Variants in COL17A1 observed in about 807,000 individuals in gnomAD.
COL17A1 encodes the protein collagen alpha-1(XVII) chain.
Under a neutral mutation model 218.4 loss-of-function variants are expected in COL17A1, and 181 were observed. The ratio of observed to expected loss-of-function variants is 0.83; its 90% CI spans 0.73 to 0.94. The LOEUF (loss-of-function observed/expected upper bound fraction) is 0.94. Among genes scored for constraint, COL17A1 ranks in the 40% least tolerant of loss-of-function variants. COL17A1 has a pLI of 0.00. For synonymous variants in COL17A1, 721 were observed against 731.0 expected, an observed-to-expected ratio of 0.99 and a Z score of 0.22; for missense variants, 1,924 against 1,945.9, an observed-to-expected ratio of 0.99 and a Z score of 0.21.
chr10:104,043,981 T>G, intron 33 of COL17A1, 121 bp from the exon 34 acceptor site: 1 of 1,075,784 alleles, frequency 9.3e-7, no homozygotes, highest in Non-Finnish European at 1.4e-6. Flanking sequence ...ACCATCAGGC[T>G]AAAGGCATTT....
chr10:104,043,888 G>C, intron 33 of COL17A1, 28 bp from the exon 34 acceptor site: 2 of 1,614,032 alleles, frequency 1.2e-6, no homozygotes, highest in Non-Finnish European at 1.7e-6. Flanking sequence ...GGCTGAGAGT[G>C]GTTGTTCTGA....
intron 4 of COL17A1, among the ~76,000 whole-genome samples, 172 bp from the exon 5 acceptor site, chr10:104,076,601 A>G (rs574944788): frequency 1.4e-3 from 213 of 152,304 alleles, no homozygotes; most frequent in African/African-American, 4.8e-3. Flanking sequence ...GAAAGGTGGA[A>G]TTATTGCCTG....
intron 35 of COL17A1, 81 bp from the exon 36 acceptor site, chr10:104,042,536 G>A: frequency 2.1e-6 from 3 of 1,442,434 alleles, no homozygotes; most frequent in Non-Finnish European, 2.9e-6. Context: ...TTCCTCCCAA[G>A]GCATGGAACA....
At chr10:104,036,739 A>C in intron 47 of COL17A1, 107 bp from the exon 48 acceptor site, 1 of 1,386,908 alleles carries the variant, frequency 7.2e-7, no homozygotes, top group Admixed American at 1.9e-5. Flanking sequence ...CCTGCGTGAC[A>C]TTTGTGAGTT....
intron 31 of COL17A1, among the ~76,000 whole-genome samples, chr10:104,047,321 A>G (rs1176577854): frequency 1.3e-5 from 2 of 152,190 alleles, no homozygotes; most frequent in South Asian, 4.2e-4. Flanking sequence ...GGCCCAGTAC[A>G]GGAGAGGAGG....
At chr10:104,078,718 T>G in intron 2 of COL17A1, 132 bp from the exon 3 acceptor site, 1 of 1,277,342 alleles carries the variant, frequency 7.8e-7, no homozygotes, top group East Asian at 2.5e-5. Context: ...ATCCTTGTGC[T>G]TTAAGGTGTG....
At chr10:104,033,050 C>G (rs1050422651) in intron 53 of COL17A1, 82 bp from the exon 54 acceptor site, 79 of 1,554,012 alleles carry the variant, frequency 5.1e-5, no homozygotes, top group Non-Finnish European at 6.8e-5. Flanking sequence ...CAGAGTAACA[C>G]AGAGAGATAG....
intron 1 of COL17A1, 63 bp from the exon 2 acceptor site, chr10:104,080,747 C>T: frequency 6.5e-7 from 1 of 1,544,004 alleles, no homozygotes; most frequent in Middle Eastern, 1.7e-4. Context: ...ATTATAGGTC[C>T]CCACTGTTGA....
intron 31 of COL17A1, 130 bp downstream of exon 31, chr10:104,047,609 T>G (rs376681801): frequency 9.0e-6 from 7 of 775,918 alleles, no homozygotes; most frequent in South Asian, 2.9e-5. Flanking sequence ...CACACAACCA[T>G]GCACATATAC....
intron 7 of COL17A1, 99 bp from the exon 8 acceptor site, chr10:104,072,178 C>G (rs2086675077): frequency 1.3e-6 from 2 of 1,532,710 alleles, no homozygotes; most frequent in Admixed American, 3.7e-5. Context: ...TTAGGCTGCT[C>G]TGACATTTCT....
At chr10:104,055,500 T>TG in intron 18 of COL17A1, 99 bp from the exon 19 acceptor site, 8 of 1,410,472 alleles carry the variant, frequency 5.7e-6, no homozygotes, top group Non-Finnish European at 6.8e-6. Context: ...GATCATGGTA[T>TG]GGGAAGAAGA....
chr10:104,037,679 GA>G lies in COL17A1; in HGVS notation c.3164del (p.Phe1055SerfsTer11), dbSNP rs2086314131. On this transcript the variant is annotated frameshift_variant, in exon 46 of 56. Coordinates refer to ENST00000648076, the MANE Select transcript of COL17A1 (RefSeq NM_000494.4). LOFTEE classifies it high-confidence loss of function. ...CGTGGCTTGCCAGCTCTGAGTAGTC[GA>G]AAGTCTCGCCTGTGATGGTGGTGAC... ...GPVTTITGET[F>X]DYSELASHVV... The G allele has an allele frequency of 6.2e-7, 1 of 1,614,084 alleles. No homozygotes were observed. Among genetic ancestry groups the G allele is most frequent in the Non-Finnish European group, 8.5e-7 (1 of 1,180,046 alleles).
chr10:104,068,078 G>C (rs1366555330), intron 9 of COL17A1, among the ~76,000 whole-genome samples: 1 of 152,166 alleles, frequency 6.6e-6, no homozygotes, highest in African/African-American at 2.4e-5. Context: ...GTCTGAAGTT[G>C]ATCTTCGGCA....
At chr10:104,035,842 C>CAGAGTGTGCGTATG (rs1589556148) in intron 48 of COL17A1, among the ~76,000 whole-genome samples, 1 of 12,942 alleles carries the variant, frequency 7.7e-5, no homozygotes, top group African/African-American at 2.7e-4. Context: ...GGGAGTGTAT[C>CAGAGTGTGCGTATG]GGAGTGTGCG....
intron 7 of COL17A1, among the ~76,000 whole-genome samples, chr10:104,072,350 A>C (rs549054578): frequency 6.6e-6 from 1 of 152,210 alleles, no homozygotes; most frequent in African/African-American, 2.4e-5. Context: ...GTTCCAGTAC[A>C]ATCAGCAATG....
At chr10:104,062,362 G>A (rs1439623932) in intron 11 of COL17A1, 33 bp from the exon 12 acceptor site, 1 of 1,614,066 alleles carries the variant, frequency 6.2e-7, no homozygotes, top group Non-Finnish European at 8.5e-7. Context: ...GTGAGTACAG[G>A]GAGCACGGGG....
intron 9 of COL17A1, among the ~76,000 whole-genome samples, chr10:104,069,074 G>A (rs2086649779): frequency 6.6e-6 from 1 of 152,216 alleles, no homozygotes; most frequent in South Asian, 2.1e-4. Context: ...AAGTGTGTGG[G>A]TGTTGTGTAA....
chr10:104,070,241 C>T (rs929148658), intron 9 of COL17A1, among the ~76,000 whole-genome samples, 185 bp downstream of exon 9: 3 of 152,188 alleles, frequency 2.0e-5, no homozygotes, highest in African/African-American at 7.2e-5. Context: ...CACAAGCAAA[C>T]AAATATCTAT....
intron 23 of COL17A1, among the ~76,000 whole-genome samples, chr10:104,052,701 T>C (rs1204051765): frequency 6.6e-6 from 1 of 152,146 alleles, no homozygotes; most frequent in East Asian, 1.9e-4. Flanking sequence ...CACCTTACAA[T>C]TGACTCTGCC....
Sources: gnomAD v4.1 joint callset for allele counts (sites outside exome capture counted in the v4.1 genomes callset) on GRCh38, gnomAD v4.1.1 for gene constraint, MANE v1.5 for transcripts, NCBI Gene and HGNC (gene_info 2026-07-23, HGNC 2026-07-21) for gene names.